Variants in CDH9 observed in about 807,000 individuals in gnomAD.
CDH9 encodes cadherin-9.
In CDH9, 28 loss-of-function variants were observed where a neutral mutation model predicts 70.9. That is an observed-to-expected ratio of 0.40 (90% CI 0.29 to 0.54). The LOEUF is 0.54. Among genes scored for constraint, CDH9 ranks in the 20% least tolerant of loss-of-function variants. The pLI, the probability that CDH9 is intolerant of heterozygous loss-of-function variation, is 0.59. For synonymous variants in CDH9, 409 were observed against 343.1 expected (o/e 1.19, Z -2.12); for missense variants, 874 against 984.4 (o/e 0.89, Z 1.50).
At position 26,903,866 on chromosome 5, in the gene CDH9, A is replaced by G. The variant is rs771258176; in HGVS notation, c.812-42T>C. On this transcript the variant is annotated intron_variant, in intron 5 of 11. Transcript: ENST00000231021. ...AGCTGTTTTGACATTTCATCTTTATATAACATTTTTTCATTTCCTCTGCAT... is the reference window on the plus strand; with the variant it reads ...AGCTGTTTTGACATTTCATCTTTATGTAACATTTTTTCATTTCCTCTGCAT... 4 of 1,098,412 alleles carry G rather than the reference A, an allele frequency of 3.6e-6. No individual in the cohort carries two copies. In the East Asian group the frequency reaches 1.0e-4, roughly 28 times the overall value. The allele number at this position is 1,098,412 out of a possible 1,614,324, so 68.0% of individuals were successfully genotyped here.
At chr5:27,019,392 TTGTA>T (rs1370191090) in intron 1 of CDH9, among the ~76,000 whole-genome samples, 2 of 152,026 alleles carry the variant, frequency 1.3e-5, no homozygotes, top group Non-Finnish European at 2.9e-5. Context: ...TCTTAGTAAT[TTGTA>T]TGTAATATTT....
intron 2 of CDH9, among the ~76,000 whole-genome samples, chr5:26,955,077 G>A (rs1164917035): frequency 6.6e-6 from 1 of 152,166 alleles, no homozygotes; most frequent in Non-Finnish European, 1.5e-5. Context: ...TTGTTTAGAT[G>A]TCATCCTAAT....
chr5:26,925,199 C>T (rs1189083462), intron 2 of CDH9, among the ~76,000 whole-genome samples: 1 of 152,138 alleles, frequency 6.6e-6, no homozygotes, highest in Non-Finnish European at 1.5e-5. Flanking sequence ...TTCTCCACAT[C>T]CTCTCCAGCA....
At chr5:26,973,442 T>TG (rs1742254394) in intron 2 of CDH9, among the ~76,000 whole-genome samples, 1 of 150,336 alleles carries the variant, frequency 6.7e-6, no homozygotes, top group Admixed American at 6.6e-5. Context: ...TTTTATTTTG[T>TG]ATTTTTTTTT....
intron 7 of CDH9, among the ~76,000 whole-genome samples, chr5:26,900,800 A>AT (rs958202427): frequency 3.9e-5 from 6 of 152,046 alleles, no homozygotes; most frequent in Non-Finnish European, 7.4e-5. Context: ...AACATTGATG[A>AT]TTTTTTTGAA....
intron 2 of CDH9, among the ~76,000 whole-genome samples, chr5:26,945,379 C>A (rs1353974003): frequency 6.6e-6 from 1 of 151,794 alleles, no homozygotes; most frequent in Admixed American, 6.6e-5. Context: ...AAAAAGGAAA[C>A]ATTTTTTCAA....
At chr5:26,943,965 T>C (rs1561203573) in intron 2 of CDH9, among the ~76,000 whole-genome samples, 1 of 152,234 alleles carries the variant, frequency 6.6e-6, no homozygotes, top group Non-Finnish European at 1.5e-5. Context: ...AAATTCAGCC[T>C]ATGAAATTTG....
At chr5:26,945,923 C>T (rs1741745053) in intron 2 of CDH9, among the ~76,000 whole-genome samples, 1 of 152,024 alleles carries the variant, frequency 6.6e-6, no homozygotes, top group East Asian at 1.9e-4. Context: ...AGGTAGGTGA[C>T]TTTGGTATAA....
intron 9 of CDH9, 51 bp downstream of exon 9, chr5:26,889,785 A>C: frequency 1.7e-6 from 2 of 1,175,168 alleles, no homozygotes; most frequent in Non-Finnish European, 2.5e-6. Context: ...ATGTCATTTG[A>C]CTTTGTAAAG....
At chr5:26,939,582 C>G (rs1046477075) in intron 2 of CDH9, among the ~76,000 whole-genome samples, 1 of 151,672 alleles carries the variant, frequency 6.6e-6, no homozygotes, top group African/African-American at 2.4e-5. Flanking sequence ...AACTCCTAAT[C>G]GATGTGTGAA....
intron 2 of CDH9, among the ~76,000 whole-genome samples, chr5:26,957,184 C>A (rs1419307256): frequency 1.3e-5 from 2 of 151,560 alleles, no homozygotes; most frequent in Non-Finnish European, 2.9e-5. Context: ...AATTTTAATA[C>A]CTCATTTTTG....
chr5:27,009,723 T>A (rs901956685), intron 1 of CDH9, among the ~76,000 whole-genome samples: 2 of 152,126 alleles, frequency 1.3e-5, no homozygotes, highest in South Asian at 4.1e-4. Flanking sequence ...AGACTTCCTT[T>A]GTCTGGCCTG....
intron 2 of CDH9, among the ~76,000 whole-genome samples, chr5:26,942,472 C>T (rs1023557857): frequency 6.6e-6 from 1 of 152,114 alleles, no homozygotes. Context: ...TTCAGTAATG[C>T]CACAGTGAGG....
chr5:26,939,282 C>T (rs1393554242), intron 2 of CDH9, among the ~76,000 whole-genome samples: 1 of 151,544 alleles, frequency 6.6e-6, no homozygotes, highest in Non-Finnish European at 1.5e-5. Flanking sequence ...TATGTATCAA[C>T]TAGTATTGTT....
At chr5:26,907,009 T>C (rs1195061484) in intron 3 of CDH9, among the ~76,000 whole-genome samples, 171 bp from the exon 4 acceptor site, 1 of 152,208 alleles carries the variant, frequency 6.6e-6, no homozygotes, top group African/African-American at 2.4e-5. Flanking sequence ...TCATTTTCTA[T>C]AAACTGAAGT....
At chr5:27,034,065 G>A (rs1046672102) in intron 1 of CDH9, among the ~76,000 whole-genome samples, 1 of 151,562 alleles carries the variant, frequency 6.6e-6, no homozygotes, top group African/African-American at 2.4e-5. Context: ...TGGAAACTGT[G>A]TTAATAATAT....
intron 11 of CDH9, among the ~76,000 whole-genome samples, chr5:26,884,817 G>T (rs1308728199): frequency 7.2e-5 from 11 of 151,998 alleles, no homozygotes; most frequent in African/African-American, 2.4e-4. Context: ...CAATTTTTTG[G>T]GGAATGTTTT....
intron 2 of CDH9, among the ~76,000 whole-genome samples, chr5:26,965,566 ACT>A (rs920921334): frequency 7.6e-4 from 99 of 130,304 alleles, no homozygotes; most frequent in African/African-American, 2.9e-3. Context: ...ACAGAGTGAG[ACT>A]CTGTCTTAAT....
chr5:26,914,450 C>A (rs1041929090), intron 3 of CDH9, among the ~76,000 whole-genome samples: 31 of 151,906 alleles, frequency 2.0e-4, no homozygotes, highest in African/African-American at 7.2e-4. Context: ...GGGAACATAT[C>A]CACTCATTTT....
Sources: gnomAD v4.1 joint callset for allele counts (sites outside exome capture counted in the v4.1 genomes callset) on GRCh38, gnomAD v4.1.1 for gene constraint, MANE v1.5 for transcripts, NCBI Gene and HGNC (gene_info 2026-07-23, HGNC 2026-07-21) for gene names.